Variants in CEACAM20 observed in about 807,000 individuals in gnomAD.
The protein encoded by CEACAM20 is CEA cell adhesion molecule 20, also known as cell adhesion molecule CEACAM20.
CEACAM20 carries 50 observed loss-of-function variants against 61.2 expected under a neutral mutation model. The observed-to-expected ratio is 0.82, with a 90% CI of 0.65 to 1.03. The LOEUF (loss-of-function observed/expected upper bound fraction) is 1.03. Among genes scored for constraint, CEACAM20 ranks in the 50% least tolerant of loss-of-function variants. CEACAM20 has a pLI of 0.00. For synonymous variants in CEACAM20, 282 were observed against 287.7 expected, an observed-to-expected ratio of 0.98 and a Z score of 0.20; for missense variants, 683 against 736.4, an observed-to-expected ratio of 0.93 and a Z score of 0.84.
At chr19:44,506,959 T>G (rs1970836735) in intron 11 of CEACAM20, among the ~76,000 whole-genome samples, 1 of 152,208 alleles carries the variant, frequency 6.6e-6, no homozygotes, top group Admixed American at 6.5e-5. Context: ...CTTCAGGGCC[T>G]TTTTTACTGA....
At chr19:44,527,356 G>C (rs967990710) in intron 1 of CEACAM20, among the ~76,000 whole-genome samples, 6 of 152,054 alleles carry the variant, frequency 3.9e-5, no homozygotes, top group African/African-American at 1.4e-4. Context: ...TAGAGGTTAG[G>C]CTCACAGCCT....
intron 8 of CEACAM20, among the ~76,000 whole-genome samples, chr19:44,512,652 T>C (rs1328804865): frequency 1.3e-5 from 2 of 152,242 alleles, no homozygotes; most frequent in African/African-American, 2.4e-5. Context: ...CAGCCTGTTG[T>C]CCTGCTTTTG....
chr19:44,509,799 AAAG>A (rs1970919139), intron 11 of CEACAM20, among the ~76,000 whole-genome samples: 2 of 152,186 alleles, frequency 1.3e-5, no homozygotes, highest in Admixed American at 1.3e-4. Flanking sequence ...GAATGGGAAA[AAAG>A]AAAAATTGAA....
rs1971456540 is a variant in CEACAM20, at chr19:44,524,161, G to A, written c.297C>T (p.Ile99=). The part of the protein sequence containing the change: ...YCTTKDVNIT[I]HWVSNNLSIV... ...TGGAGAGGTTGTTGGAAACCCAGTG[G>A]ATGGTAATGTTGACGTCCTTAGTGG... Residue 99 remains isoleucine (I), a synonymous_variant, in exon 3 of 12, where the codon ATC becomes ATT. Transcript: ENST00000614924. 1.9e-6 allele frequency: 3 copies of A among 1,613,838 alleles called. No homozygotes were observed. In the Admixed American group the frequency reaches 5.0e-5, roughly 27 times the overall value.
intron 5 of CEACAM20, among the ~76,000 whole-genome samples, chr19:44,518,234 GAAAGGAAGGA>G (rs1237272913): frequency 2.4e-5 from 3 of 122,570 alleles, no homozygotes; most frequent in East Asian, 2.4e-4. Context: ...GAGAGAGAGA[GAAAGGAAGGA>G]AGGAAGGAAG....
At chr19:44,506,410 G>A (rs957919111) in intron 11 of CEACAM20, among the ~76,000 whole-genome samples, 196 bp from the exon 12 acceptor site, 2 of 152,154 alleles carry the variant, frequency 1.3e-5, no homozygotes, top group African/African-American at 4.8e-5. Context: ...CCCCACTGTG[G>A]TAAACAGACT....
At chr19:44,512,727 A>C in intron 8 of CEACAM20, 141 bp downstream of exon 8, 2 of 665,700 alleles carry the variant, frequency 3.0e-6, no homozygotes, top group Non-Finnish European at 5.2e-6. Context: ...CAAATTCCAG[A>C]TGGGAACACA....
chr19:44,508,786 T>TA (rs1970890075), intron 11 of CEACAM20, among the ~76,000 whole-genome samples: 1 of 152,206 alleles, frequency 6.6e-6, no homozygotes, highest in Non-Finnish European at 1.5e-5. Flanking sequence ...GTGGCAGATA[T>TA]CACGTAGGCC....
intron 3 of CEACAM20, 37 bp downstream of exon 3, chr19:44,523,928 CGAGGCACTAAGCAAGTGAGTG>C: frequency 6.7e-7 from 1 of 1,489,222 alleles, no homozygotes; most frequent in East Asian, 2.5e-5. Flanking sequence ...TGAGACTGAA[CGAGGCACTAAGCAAGTGAGTG>C]TCAGTGAGGG....
chr19:44,526,681 T>C (rs1025791180), intron 1 of CEACAM20, among the ~76,000 whole-genome samples: 1 of 151,906 alleles, frequency 6.6e-6, no homozygotes, highest in Non-Finnish European at 1.5e-5. Flanking sequence ...GTTCGAGACC[T>C]GGTCAACATG....
chr19:44,522,574 A>C (rs1217636896), intron 4 of CEACAM20, 60 bp downstream of exon 4: 7 of 1,561,666 alleles, frequency 4.5e-6, no homozygotes, highest in Non-Finnish European at 5.2e-6. Context: ...GTTCCTTCTG[A>C]CATGGCCAGC....
At chr19:44,528,161 TCTTTCTTTC>T (rs1271281339) in intron 1 of CEACAM20, among the ~76,000 whole-genome samples, 20,239 of 147,246 alleles carry the variant, frequency 0.14, 1,712 homozygotes, top group East Asian at 0.38. Context: ...TTCTTTCTTT[TCTTTCTTTC>T]CTTTCTTTCT....
chr19:44,522,725 C>T lies in CEACAM20; in HGVS notation c.660G>A (p.Val220=). 6.2e-7 allele frequency: 1 copy of T among 1,613,894 alleles called. No individual in the cohort carries two copies. Among genetic ancestry groups the T allele is most frequent in the South Asian group, 1.1e-5 (1 of 91,056 alleles). The change falls in exon 4 of 12, where the codon GTG becomes GTA. Residue 220 remains valine (V), a synonymous_variant. Coordinates refer to ENST00000614924, the MANE Select transcript of CEACAM20 (RefSeq NM_001102597.3). ...HTTRTFTIHA[V]SREHEGLYRC... is the part of the protein sequence containing the mutation. ...TGTACAGGCCCTCATGTTCTCTGGACACAGCATGGATGGTGAATGTTCTCG... is the reference window on the plus strand; with the variant it reads ...TGTACAGGCCCTCATGTTCTCTGGATACAGCATGGATGGTGAATGTTCTCG...
chr19:44,513,559 C>A (rs751655500), intron 6 of CEACAM20, among the ~76,000 whole-genome samples: 1 of 151,162 alleles, frequency 6.6e-6, no homozygotes, highest in African/African-American at 2.4e-5. Context: ...ACCTCAGCCT[C>A]CCCTAGTAGC....
At chr19:44,509,362 A>T (rs764793932) in intron 11 of CEACAM20, among the ~76,000 whole-genome samples, 47 of 49,232 alleles carry the variant, frequency 9.5e-4, no homozygotes, top group Non-Finnish European at 1.8e-3. Context: ...CAACGAAATT[A>T]AAAAAAAAAC....
intron 1 of CEACAM20, 132 bp downstream of exon 1, chr19:44,529,326 C>A: frequency 1.3e-6 from 1 of 777,198 alleles, no homozygotes; most frequent in South Asian, 1.7e-5. Context: ...TATTTTTTTT[C>A]TCTGCCTCCA....
intron 6 of CEACAM20, 88 bp from the exon 7 acceptor site, chr19:44,513,377 A>G (rs1260771442): frequency 3.6e-6 from 3 of 828,590 alleles, no homozygotes; most frequent in South Asian, 1.7e-5. Flanking sequence ...CTTTTTCTCT[A>G]CTGACATTTT....
chr19:44,515,166 A>G (rs1250155642), intron 6 of CEACAM20, among the ~76,000 whole-genome samples: 1 of 152,054 alleles, frequency 6.6e-6, no homozygotes, highest in African/African-American at 2.4e-5. Flanking sequence ...GATTAATGAG[A>G]TCTTGTATAA....
intron 1 of CEACAM20, among the ~76,000 whole-genome samples, chr19:44,526,914 C>CT (rs1240838192): frequency 6.6e-6 from 1 of 151,880 alleles, no homozygotes; most frequent in African/African-American, 2.4e-5. Flanking sequence ...CGAGACTTTG[C>CT]TGGGGCCCAA....
Sources: allele counts gnomAD v4.1 joint callset (sites outside exome capture counted in the v4.1 genomes callset), GRCh38; gene constraint gnomAD v4.1.1; transcripts MANE v1.5; gene names NCBI Gene and HGNC (gene_info 2026-07-23, HGNC 2026-07-21).